The following SRBD1 variants were observed in gnomAD, a reference collection of about 807,000 sequenced individuals.
SRBD1 encodes S1 RNA-binding domain-containing protein 1.
Under a neutral mutation model 115.3 loss-of-function variants are expected in SRBD1, and 88 were observed. That is an observed-to-expected ratio of 0.76 (90% CI 0.64 to 0.91). The LOEUF (loss-of-function observed/expected upper bound fraction) is 0.91. Among genes scored for constraint, SRBD1 ranks in the 40% least tolerant of loss-of-function variants. The probability of loss-of-function intolerance (pLI) is 0.00; values close to 1 mark genes in which losing one functional copy is unlikely to be tolerated. For missense variants in SRBD1, 1,385 were observed against 1,177.4 expected (o/e 1.18, Z -2.58); for synonymous variants, 509 against 407.7 (o/e 1.25, Z -2.99).
chr2:45,604,387 G>C (rs1183908105), intron 2 of SRBD1, among the ~76,000 whole-genome samples: 1 of 151,756 alleles, frequency 6.6e-6, no homozygotes, highest in Admixed American at 6.6e-5. Flanking sequence ...GAGGGGAAGG[G>C]GGGTGGAGGA....
chr2:45,563,512 A>G (rs1672735916), intron 9 of SRBD1, among the ~76,000 whole-genome samples: 1 of 152,080 alleles, frequency 6.6e-6, no homozygotes, highest in Non-Finnish European at 1.5e-5. Context: ...CAACAAAACC[A>G]TAAGTTGGTT....
At chr2:45,499,691 T>C (rs1670568875) in intron 14 of SRBD1, among the ~76,000 whole-genome samples, 1 of 152,154 alleles carries the variant, frequency 6.6e-6, no homozygotes, top group Admixed American at 6.5e-5. Context: ...AAAACGGGGA[T>C]CTAGTTTCAT....
rs1187346367 is a variant in SRBD1, at chr2:45,509,452, C to T, written c.1875-21121G>A. On this transcript the variant is annotated intron_variant, in intron 14 of 20. Coordinates refer to ENST00000263736, the MANE Select transcript of SRBD1 (RefSeq NM_018079.5). ...TCTACTAAAAATACAAAAAATTAGC[C>T]GGGCGCGGTGGTGGGCGCCTGCAGT... Among the ~76,000 whole-genome samples the T allele has an allele frequency of 1.3e-4, 20 of 152,042 alleles. 1 individual carries two copies. In the South Asian group the frequency reaches 1.7e-3, roughly 13 times the overall value.
At chr2:45,562,416 T>C (rs1672694806) in intron 10 of SRBD1, among the ~76,000 whole-genome samples, 1 of 152,114 alleles carries the variant, frequency 6.6e-6, no homozygotes, top group African/African-American at 2.4e-5. Context: ...GTATTTTCAG[T>C]AGAGACAGGG....
At chr2:45,456,595 C>T (rs982760541) in intron 16 of SRBD1, among the ~76,000 whole-genome samples, 4 of 151,816 alleles carry the variant, frequency 2.6e-5, no homozygotes, top group East Asian at 1.9e-4. Flanking sequence ...GTATAATTTT[C>T]GAGTCATCAC....
At chr2:45,455,278 C>A (rs1213810474) in intron 16 of SRBD1, among the ~76,000 whole-genome samples, 1 of 151,806 alleles carries the variant, frequency 6.6e-6, no homozygotes, top group Non-Finnish European at 1.5e-5. Context: ...CAGTTCATTT[C>A]AGAAAGAAGG....
chr2:45,605,857 T>A (rs1025255149), intron 1 of SRBD1, among the ~76,000 whole-genome samples: 2 of 149,988 alleles, frequency 1.3e-5, no homozygotes, highest in African/African-American at 4.9e-5. Flanking sequence ...AGAGCTGAGA[T>A]TGCATAATTG....
intron 16 of SRBD1, among the ~76,000 whole-genome samples, chr2:45,463,813 C>T (rs143789741): frequency 6.6e-5 from 10 of 152,186 alleles, no homozygotes; most frequent in African/African-American, 2.4e-4. Flanking sequence ...CCACACACAA[C>T]CAATATATGC....
chr2:45,434,362 G>A (rs1668425420), intron 16 of SRBD1, among the ~76,000 whole-genome samples: 1 of 152,166 alleles, frequency 6.6e-6, no homozygotes, highest in South Asian at 2.1e-4. Flanking sequence ...ATGTTCCCAA[G>A]ACACTGTGTA....
intron 6 of SRBD1, among the ~76,000 whole-genome samples, chr2:45,580,419 C>T (rs548460437): frequency 1.8e-4 from 27 of 151,850 alleles, no homozygotes; most frequent in African/African-American, 6.5e-4. Flanking sequence ...GATCTCGGCT[C>T]ACTGCAAGCT....
At chr2:45,436,553 G>A (rs1668505001) in intron 16 of SRBD1, among the ~76,000 whole-genome samples, 1 of 152,234 alleles carries the variant, frequency 6.6e-6, no homozygotes, top group African/African-American at 2.4e-5. Flanking sequence ...GGAGGCCTCA[G>A]GAAACTTACA....
At chr2:45,605,765 G>A (rs1299649581) in intron 1 of SRBD1, among the ~76,000 whole-genome samples, 19 of 152,070 alleles carry the variant, frequency 1.2e-4, no homozygotes, top group African/African-American at 4.3e-4. Flanking sequence ...TTAGCCAGGT[G>A]TGGTCGTGGG....
intron 16 of SRBD1, among the ~76,000 whole-genome samples, chr2:45,457,559 AT>A: frequency 6.6e-6 from 1 of 152,172 alleles, no homozygotes; most frequent in Non-Finnish European, 1.5e-5. Flanking sequence ...TATAGCTAAT[AT>A]TTTAAGATAA....
intron 15 of SRBD1, among the ~76,000 whole-genome samples, chr2:45,480,020 G>A (rs1001848844): frequency 6.6e-6 from 1 of 152,060 alleles, no homozygotes; most frequent in African/African-American, 2.4e-5. Context: ...CTGCACGATG[G>A]CACATATGTT....
intron 14 of SRBD1, among the ~76,000 whole-genome samples, chr2:45,513,003 T>G (rs1671014698): frequency 6.6e-6 from 1 of 152,086 alleles, no homozygotes; most frequent in Non-Finnish European, 1.5e-5. Context: ...CCAGAACACA[T>G]GCCCCTCTGA....
chr2:45,604,173 A>G (rs576385988), intron 2 of SRBD1, among the ~76,000 whole-genome samples: 1 of 152,134 alleles, frequency 6.6e-6, no homozygotes, highest in South Asian at 2.1e-4. Flanking sequence ...TGCCCGCTAT[A>G]GTCTATTCTC....
chr2:45,451,658 G>A (rs1178852489), intron 16 of SRBD1, among the ~76,000 whole-genome samples: 1 of 150,768 alleles, frequency 6.6e-6, no homozygotes, highest in East Asian at 1.9e-4. Context: ...CTTAGAAAGT[G>A]GTAAAGCACA....
intron 16 of SRBD1, among the ~76,000 whole-genome samples, chr2:45,441,881 G>C (rs1443935770): frequency 6.6e-6 from 1 of 152,124 alleles, no homozygotes; most frequent in East Asian, 1.9e-4. Flanking sequence ...ACTGACCATA[G>C]CCATAGGCCC....
chr2:45,565,089 C>T (rs1487849659), intron 9 of SRBD1, among the ~76,000 whole-genome samples: 1 of 152,156 alleles, frequency 6.6e-6, no homozygotes, highest in Non-Finnish European at 1.5e-5. Flanking sequence ...AGTGAAATCC[C>T]TATCAAATCC....
Sources: allele counts gnomAD v4.1 joint callset (sites outside exome capture counted in the v4.1 genomes callset), GRCh38; gene constraint gnomAD v4.1.1; transcripts MANE v1.5; gene names NCBI Gene and HGNC (gene_info 2026-07-23, HGNC 2026-07-21).